Variants in STK40 observed in about 807,000 individuals in gnomAD.
STK40 encodes the protein serine/threonine-protein kinase 40.
A neutral mutation model predicts 47.9 loss-of-function variants in STK40; 13 were observed. That is an observed-to-expected ratio of 0.27 (90% CI 0.18 to 0.43). STK40 has a LOEUF of 0.43. Among genes scored for constraint, STK40 ranks in the 20% least tolerant of loss-of-function variants. STK40 has a pLI of 1.00. For missense variants in STK40, 460 were observed against 595.1 expected (o/e 0.77, Z 2.36); for synonymous variants, 225 against 243.2 (o/e 0.93, Z 0.69).
chr1:36,365,756 A>C (rs1180731894), intron 1 of STK40, among the ~76,000 whole-genome samples: 1 of 151,796 alleles, frequency 6.6e-6, no homozygotes, highest in Admixed American at 6.6e-5. Flanking sequence ...AGTTAGTCTC[A>C]CTCATGGTGG....
intron 6 of STK40, among the ~76,000 whole-genome samples, chr1:36,351,457 G>C (rs1474894493): frequency 1.3e-5 from 2 of 152,068 alleles, no homozygotes; most frequent in Non-Finnish European, 2.9e-5. Flanking sequence ...CCAGAGCGGA[G>C]GGTGTGCCAG....
At position 36,341,711 on chromosome 1, in the gene STK40, G is replaced by A. The variant is rs1367684807; in HGVS notation, c.*44C>T. The A allele has an allele frequency of 6.2e-7, 1 of 1,601,986 alleles. No homozygotes were observed. The highest frequency in any genetic ancestry group is 1.1e-5 in the South Asian group (1 of 90,516). On this transcript the variant is annotated 3_prime_UTR_variant, in exon 11 of 11. Coordinates refer to ENST00000373132, the MANE Select transcript of STK40 (RefSeq NM_001282547.2). ...CCTGACAGCCACGCCTTTGGCTGGG[G>A]CTGGAAGAAGTGGCAGCAGTGCTGG...
At chr1:36,353,000 G>C (rs887665956) in intron 6 of STK40, among the ~76,000 whole-genome samples, 3 of 152,182 alleles carry the variant, frequency 2.0e-5, no homozygotes, top group African/African-American at 7.2e-5. Context: ...GTTGAGATGG[G>C]GCACAAGGCA....
chr1:36,357,450 C>T (rs575698184), intron 4 of STK40, among the ~76,000 whole-genome samples: 128 of 152,204 alleles, frequency 8.4e-4, no homozygotes, highest in Non-Finnish European at 1.5e-3. Context: ...GAACCCAACT[C>T]TTCATTTCTG....
chr1:36,353,210 T>C (rs1207782162), intron 6 of STK40, among the ~76,000 whole-genome samples: 1 of 152,080 alleles, frequency 6.6e-6, no homozygotes, highest in African/African-American at 2.4e-5. Context: ...CAATGCCGAG[T>C]TGAGAGGTGA....
intron 1 of STK40, among the ~76,000 whole-genome samples, chr1:36,381,397 C>T (rs1405287024): frequency 6.6e-6 from 1 of 152,204 alleles, no homozygotes; most frequent in African/African-American, 2.4e-5. Flanking sequence ...CAAATTACCA[C>T]ATATCCGTGC....
At chr1:36,379,220 A>G (rs1242999380) in intron 1 of STK40, among the ~76,000 whole-genome samples, 1 of 152,148 alleles carries the variant, frequency 6.6e-6, no homozygotes, top group East Asian at 1.9e-4. Context: ...TAGAGGGGAC[A>G]GCTTTATTCT....
intron 1 of STK40, among the ~76,000 whole-genome samples, chr1:36,369,545 C>T (rs954420071): frequency 2.0e-5 from 3 of 152,172 alleles, no homozygotes; most frequent in Non-Finnish European, 2.9e-5. Flanking sequence ...CATGAACACC[C>T]CTGCCCCGCC....
intron 1 of STK40, among the ~76,000 whole-genome samples, chr1:36,377,065 C>T (rs769059005): frequency 1.3e-5 from 2 of 151,970 alleles, no homozygotes; most frequent in African/African-American, 4.8e-5. Flanking sequence ...GCCACCGTGC[C>T]CAGCCTAGAA....
intron 1 of STK40, among the ~76,000 whole-genome samples, chr1:36,365,648 C>T (rs1646895438): frequency 6.6e-6 from 1 of 152,126 alleles, no homozygotes; most frequent in African/African-American, 2.4e-5. Context: ...GCACTGTGTT[C>T]CTGCTCTTTG....
chr1:36,377,028 C>G (rs1258355205), intron 1 of STK40, among the ~76,000 whole-genome samples: 1 of 151,856 alleles, frequency 6.6e-6, no homozygotes, highest in Non-Finnish European at 1.5e-5. Flanking sequence ...GCCTCGGCCT[C>G]CCAAAGTGCT....
At chr1:36,355,688 T>C (rs1010532085) in intron 4 of STK40, among the ~76,000 whole-genome samples, 3 of 152,230 alleles carry the variant, frequency 2.0e-5, no homozygotes, top group South Asian at 2.1e-4. Flanking sequence ...GAAGGCTTAA[T>C]GCTTTGATCA....
chr1:36,344,165 T>C lies in STK40; in HGVS notation c.839A>G (p.Gln280Arg). ...AGCCTTGATCTTGCGGAAGAGCTCC[T>C]GCGGGATGCTGTCGTAGAAGGGGAA... ...GQFPFYDSIPQELFRKIKAAE... is the reference protein window; with the variant it reads ...GQFPFYDSIPRELFRKIKAAE... Residue 280 changes from glutamine to arginine, a missense_variant, in exon 8 of 11, where the codon CAG (glutamine) becomes CGG (arginine). Around this residue, in one of 3 missense-constraint regions of STK40, gnomAD observed 181 missense variants for 218.9 expected, o/e 0.83. Transcript: ENST00000373132. The C allele has an allele frequency of 6.2e-7, 1 of 1,607,604 alleles. No individual in the cohort carries two copies. The highest frequency in any genetic ancestry group is 1.7e-5 in the Admixed American group (1 of 58,920).
Position 36,358,251 on chromosome 1 carries a change from G to A in STK40, c.330C>T (p.His110=), listed in dbSNP as rs762859153. ...LHTQDGVVHH[H]GLFQDRTCEI... is the part of the protein sequence containing the mutation. ...GAAGGCCGCTCACCTGGAAGAGGCC[G>A]TGGTGGTGCACCACGCCATCCTGCG... is the stretch of plus-strand genomic sequence containing the variant. Residue 110 remains histidine, a synonymous_variant, in exon 4 of 11, where the codon CAC becomes CAT. Transcript: ENST00000373132. The A allele has an allele frequency of 5.0e-6, 8 of 1,590,516 alleles. No homozygotes were observed. The highest frequency in any genetic ancestry group is 1.7e-5 in the Admixed American group (1 of 59,482).
intron 1 of STK40, 125 bp from the exon 2 acceptor site, chr1:36,361,465 T>A (rs1646851757): frequency 4.7e-6 from 7 of 1,487,288 alleles, no homozygotes; most frequent in Non-Finnish European, 6.3e-6. Context: ...CAACTCCTCC[T>A]GCTACCAGGG....
intron 3 of STK40, 145 bp from the exon 4 acceptor site, chr1:36,358,527 TC>T: frequency 7.8e-7 from 1 of 1,275,342 alleles, no homozygotes; most frequent in Admixed American, 2.6e-5. Flanking sequence ...AAATCGTTTT[TC>T]TTAATATGAT....
chr1:36,370,684 A>C (rs1244151276), intron 1 of STK40, among the ~76,000 whole-genome samples: 1 of 152,192 alleles, frequency 6.6e-6, no homozygotes, highest in East Asian at 1.9e-4. Flanking sequence ...TCACACTCTC[A>C]GATTAACTAT....
At position 36,360,821 on chromosome 1, in the gene STK40, A is replaced by G. The variant is rs193066436; in HGVS notation, c.112+400T>C. 2.0e-5 allele frequency among the ~76,000 whole-genome samples: 3 copies of G among 152,290 alleles called. No individual in the cohort carries two copies. In the East Asian group the frequency reaches 5.8e-4, roughly 29 times the overall value. On this transcript the variant is annotated intron_variant, in intron 2 of 10. Coordinates refer to ENST00000373132, the MANE Select transcript of STK40 (RefSeq NM_001282547.2). ...GCCTCGAAAAGTGCTGGGATTACATAAGTGAGCTATTGCACCTGGCCAGAG... is the reference window on the plus strand; with the variant it reads ...GCCTCGAAAAGTGCTGGGATTACATGAGTGAGCTATTGCACCTGGCCAGAG...
In STK40 at chr1:36,361,358, A is replaced by AC. The variant is rs1557515701; in HGVS notation, c.-8-19dup. On this transcript the variant is annotated intron_variant, in intron 1 of 10. Transcript: ENST00000373132. ...TCTCAGCTCTAGACAAGACAGAAAG[A>AC]CCCCTTCTCACTGAGTAAGTCAGCG... 6.8e-6 allele frequency: 11 copies of AC among 1,613,496 alleles called. No homozygotes were observed. Among genetic ancestry groups the AC allele is most frequent in the Non-Finnish European group, 6.8e-6 (8 of 1,179,988 alleles).
Sources: allele counts gnomAD v4.1 joint callset (sites outside exome capture counted in the v4.1 genomes callset), GRCh38; gene constraint gnomAD v4.1.1; regional missense constraint gnomAD v4.1.1; transcripts MANE v1.5; gene names NCBI Gene and HGNC (gene_info 2026-07-23, HGNC 2026-07-21).